Variants in ROBO2 observed in about 807,000 individuals in gnomAD.
ROBO2 encodes roundabout guidance receptor 2.
A neutral mutation model predicts 160.8 loss-of-function variants in ROBO2; 53 were observed. The ratio of observed to expected loss-of-function variants is 0.33; its 90% CI spans 0.26 to 0.41. The LOEUF is 0.41. Among genes scored for constraint, ROBO2 ranks in the 10% least tolerant of loss-of-function variants. ROBO2 has a pLI of 1.00. For missense variants in ROBO2, 1,577 were observed against 1,722.4 expected (o/e 0.92, Z 1.49); for synonymous variants, 664 against 611.7 (o/e 1.09, Z -1.26).
chr3:77,147,315 G>C (rs1046679203), intron 2 of ROBO2, among the ~76,000 whole-genome samples: 5 of 152,044 alleles, frequency 3.3e-5, no homozygotes, highest in African/African-American at 9.7e-5. Context: ...CACAAAAAGG[G>C]AGCACTGGTG....
intron 2 of ROBO2, among the ~76,000 whole-genome samples, chr3:77,200,322 T>TATATATATA (rs2082782226): frequency 4.7e-5 from 3 of 63,912 alleles, no homozygotes; most frequent in African/African-American, 4.3e-5. Context: ...TATATATATA[T>TATATATATA]TTTAGTTTCT....
chr3:76,840,655 AT>A (rs2068161029), intron 2 of ROBO2, among the ~76,000 whole-genome samples: 1 of 101,116 alleles, frequency 9.9e-6, no homozygotes. Flanking sequence ...TTATATATAT[AT>A]ATATATATAT....
intron 2 of ROBO2, among the ~76,000 whole-genome samples, chr3:76,899,611 C>A (rs2075076784): frequency 6.6e-6 from 1 of 152,084 alleles, no homozygotes; most frequent in African/African-American, 2.4e-5. Flanking sequence ...GTCTATTTAA[C>A]AAAGACGTGC....
chr3:76,001,986 T>C (rs1240672294), intron 2 of ROBO2, among the ~76,000 whole-genome samples: 3 of 152,252 alleles, frequency 2.0e-5, no homozygotes, highest in Non-Finnish European at 4.4e-5. Context: ...ACTATTGTCT[T>C]TTATAATTTG....
At chr3:76,876,468 A>G (rs926115621) in intron 2 of ROBO2, among the ~76,000 whole-genome samples, 2 of 152,302 alleles carry the variant, frequency 1.3e-5, no homozygotes, top group East Asian at 1.9e-4. Flanking sequence ...TGAGGTCAGC[A>G]GTTTAAAACC....
chr3:77,296,265 C>T lies in ROBO2; in HGVS notation c.389-181149C>T, dbSNP rs150160040. Among the ~76,000 whole-genome samples, 1,342 of 150,356 alleles carry T rather than the reference C, an allele frequency of 8.9e-3. 4 individuals carry two copies. The highest frequency in any genetic ancestry group is 0.016 in the Non-Finnish European group (1,056 of 67,682). The stretch of plus-strand genomic sequence containing the variant: ...ACATAAAGTAGAATTGATGGTTAAA[C>T]GGGTAAGCTGAGGCTAGATCACCCC... On this transcript the variant is annotated intron_variant, in intron 2 of 25. Coordinates refer to ENST00000461745, the Ensembl canonical transcript of ROBO2.
At chr3:77,000,306 A>G (rs1448113630) in intron 2 of ROBO2, among the ~76,000 whole-genome samples, 1 of 152,174 alleles carries the variant, frequency 6.6e-6, no homozygotes, top group Non-Finnish European at 1.5e-5. Flanking sequence ...GGGTCCTATA[A>G]GAATCATTAA....
chr3:76,754,743 G>A (rs1356776491), intron 2 of ROBO2, among the ~76,000 whole-genome samples: 1 of 151,768 alleles, frequency 6.6e-6, no homozygotes, highest in Non-Finnish European at 1.5e-5. Flanking sequence ...TGAGATAGCT[G>A]AATTTGAGAC....
intron 2 of ROBO2, among the ~76,000 whole-genome samples, chr3:76,414,459 C>T (rs2075654260): frequency 6.6e-6 from 1 of 151,788 alleles, no homozygotes; most frequent in African/African-American, 2.4e-5. Flanking sequence ...AGTTCATGTC[C>T]TTTGTAGGGA....
intron 2 of ROBO2, among the ~76,000 whole-genome samples, chr3:77,467,670 A>T (rs1449484865): frequency 6.6e-6 from 1 of 151,854 alleles, no homozygotes; most frequent in Non-Finnish European, 1.5e-5. Flanking sequence ...CCAAACCCAG[A>T]TCTAAGAAAA....
chr3:76,168,368 C>T (rs569715293), intron 2 of ROBO2, among the ~76,000 whole-genome samples: 3 of 152,182 alleles, frequency 2.0e-5, no homozygotes, highest in Admixed American at 6.5e-5. Context: ...CCTATATTTT[C>T]GTCTGTTTAT....
chr3:76,978,658 C>T (rs374447162), intron 2 of ROBO2, among the ~76,000 whole-genome samples: 3 of 151,908 alleles, frequency 2.0e-5, no homozygotes, highest in African/African-American at 7.3e-5. Flanking sequence ...TTGTCTATGT[C>T]TCAGAGAAAT....
intron 2 of ROBO2, among the ~76,000 whole-genome samples, chr3:76,859,369 T>C (rs902971411): frequency 1.3e-5 from 2 of 152,172 alleles, no homozygotes; most frequent in East Asian, 3.9e-4. Flanking sequence ...AAAATATCTT[T>C]GTGAACAGCT....
At chr3:76,671,313 CAT>C (rs1293276259) in intron 2 of ROBO2, among the ~76,000 whole-genome samples, 5 of 152,258 alleles carry the variant, frequency 3.3e-5, no homozygotes, top group East Asian at 3.9e-4. Flanking sequence ...GTACAGTACT[CAT>C]GTGTACTTGG....
chr3:76,434,533 T>C (rs796909916), intron 2 of ROBO2: 1 of 1,577,892 alleles, frequency 6.3e-7, no homozygotes, highest in African/African-American at 1.3e-5. Context: ...ATAAGAAGCA[T>C]GTAGACTGGG....
intron 2 of ROBO2, among the ~76,000 whole-genome samples, chr3:77,345,638 A>G (rs902795192): frequency 1.3e-5 from 2 of 152,162 alleles, no homozygotes; most frequent in African/African-American, 2.4e-5. Flanking sequence ...TTTGTAGGGT[A>G]CACACTTATA....
At chr3:75,920,014 G>GT (rs1360142037) in intron 1 of ROBO2, among the ~76,000 whole-genome samples, 1 of 152,000 alleles carries the variant, frequency 6.6e-6, no homozygotes, top group African/African-American at 2.4e-5. Context: ...TTTTTTGAAG[G>GT]TTTTTTCGTG....
chr3:76,469,045 G>T (rs76277215), intron 2 of ROBO2, among the ~76,000 whole-genome samples: 1 of 151,996 alleles, frequency 6.6e-6, no homozygotes, highest in African/African-American at 2.4e-5. Context: ...TGTACCTGAA[G>T]CCCAGCAGTC....
chr3:76,212,917 CACTTTT>C (rs1703242072), intron 2 of ROBO2, among the ~76,000 whole-genome samples: 1 of 151,840 alleles, frequency 6.6e-6, no homozygotes, highest in Admixed American at 6.6e-5. Context: ...TTCTTAGTTT[CACTTTT>C]GGTATTTGGC....
Sources: gnomAD v4.1 joint callset for allele counts (sites outside exome capture counted in the v4.1 genomes callset) on GRCh38, gnomAD v4.1.1 for gene constraint, MANE v1.5 for transcripts, NCBI Gene and HGNC (gene_info 2026-07-23, HGNC 2026-07-21) for gene names.